The following ZFPM2 variants were observed in gnomAD, a reference collection of about 807,000 sequenced individuals.
ZFPM2 encodes the protein zinc finger protein, FOG family member 2.
ZFPM2 carries 20 observed loss-of-function variants against 98.6 expected under a neutral mutation model. That is an observed-to-expected ratio of 0.20 (90% CI 0.14 to 0.29). The LOEUF (loss-of-function observed/expected upper bound fraction) is 0.29, where lower values mean the gene tolerates loss of function less well. ZFPM2 is among the 10% of genes least tolerant of loss of function. The pLI, the probability that ZFPM2 is intolerant of heterozygous loss-of-function variation, is 1.00. For missense variants in ZFPM2, 1,310 were observed against 1,388.6 expected, an observed-to-expected ratio of 0.94 and a Z score of 0.90; for synonymous variants, 518 against 502.7, an observed-to-expected ratio of 1.03 and a Z score of -0.41.
At chr8:105,468,375 A>C (rs1228524043) in intron 3 of ZFPM2, among the ~76,000 whole-genome samples, 2 of 151,906 alleles carry the variant, frequency 1.3e-5, no homozygotes, top group African/African-American at 2.4e-5. Flanking sequence ...ATATGTATCA[A>C]CCCTCTTTTA....
At chr8:105,410,085 A>G (rs147672081) in intron 1 of ZFPM2, among the ~76,000 whole-genome samples, 1 of 151,930 alleles carries the variant, frequency 6.6e-6, no homozygotes, top group African/African-American at 2.4e-5. Flanking sequence ...ATGGAGGATT[A>G]TAAAAGAGAA....
chr8:105,736,429 A>G (rs1812074177), intron 5 of ZFPM2, among the ~76,000 whole-genome samples: 1 of 152,016 alleles, frequency 6.6e-6, no homozygotes, highest in Admixed American at 6.6e-5. Context: ...ATTCATAAGG[A>G]GCCAGTGTGG....
At chr8:105,795,213 C>T (rs201042261) in intron 6 of ZFPM2, among the ~76,000 whole-genome samples, 149 of 151,318 alleles carry the variant, frequency 9.8e-4, no homozygotes, top group African/African-American at 3.2e-3. Context: ...TGTTCCTATT[C>T]GGCCATCTTG....
chr8:105,636,268 T>C (rs1314692350), intron 5 of ZFPM2, among the ~76,000 whole-genome samples: 3 of 152,174 alleles, frequency 2.0e-5, no homozygotes, highest in Non-Finnish European at 2.9e-5. Context: ...AGCAAACTTA[T>C]GTGTTTATGG....
At chr8:105,650,687 T>G (rs1156906052) in intron 5 of ZFPM2, among the ~76,000 whole-genome samples, 1 of 152,192 alleles carries the variant, frequency 6.6e-6, no homozygotes, top group Admixed American at 6.5e-5. Context: ...TGGAGCGGTT[T>G]TTAGTGAGTT....
intron 3 of ZFPM2, among the ~76,000 whole-genome samples, chr8:105,529,818 C>A (rs1814256289): frequency 6.6e-6 from 1 of 151,936 alleles, no homozygotes; most frequent in South Asian, 2.1e-4. Flanking sequence ...GCAACCTCTG[C>A]CTCCCAGGAT....
chr8:105,507,486 A>G (rs569173463), intron 3 of ZFPM2, among the ~76,000 whole-genome samples: 1 of 152,352 alleles, frequency 6.6e-6, no homozygotes, highest in South Asian at 2.1e-4. Flanking sequence ...GTTGGGCCTC[A>G]CTTTATTCAT....
chr8:105,612,440 C>A lies in ZFPM2; in HGVS notation c.421-21806C>A, dbSNP rs140129211. ...GGTCTGCAGTCTCTGGTTTGAGAAA[C>A]CCTGGTAAAGGTGAAAAATGTAATT... On this transcript the variant is annotated intron_variant, in intron 4 of 7. Transcript: ENST00000407775. 5.4e-3 allele frequency among the ~76,000 whole-genome samples: 819 copies of A among 151,946 alleles called. 6 individuals are homozygous for A. Among genetic ancestry groups the A allele is most frequent in the African/African-American group, 0.016 (651 of 41,464 alleles).
intron 2 of ZFPM2, among the ~76,000 whole-genome samples, chr8:105,426,797 CAAAA>C (rs1475866276): frequency 1.3e-5 from 2 of 151,354 alleles, no homozygotes; most frequent in Non-Finnish European, 2.9e-5. Context: ...ACAAAAAATA[CAAAA>C]AATACAAAAA....
intron 6 of ZFPM2, among the ~76,000 whole-genome samples, chr8:105,793,446 G>A (rs1394807203): frequency 3.3e-5 from 5 of 152,114 alleles, no homozygotes; most frequent in South Asian, 2.1e-4. Flanking sequence ...AGTTTCTGCC[G>A]AGAGATCCGC....
chr8:105,722,239 T>A (rs570473952), intron 5 of ZFPM2, among the ~76,000 whole-genome samples: 1 of 151,944 alleles, frequency 6.6e-6, no homozygotes, highest in East Asian at 1.9e-4. Context: ...TTATAAAGAA[T>A]AACTTAATTC....
chr8:105,700,476 A>G (rs1811117152), intron 5 of ZFPM2, among the ~76,000 whole-genome samples: 2 of 152,256 alleles, frequency 1.3e-5, no homozygotes, highest in South Asian at 2.1e-4. Context: ...ACATCTTGTG[A>G]CTTGTATTAA....
intron 4 of ZFPM2, among the ~76,000 whole-genome samples, chr8:105,627,718 C>CTT (rs1293449419): frequency 6.6e-6 from 1 of 152,152 alleles, no homozygotes; most frequent in Non-Finnish European, 1.5e-5. Context: ...CTCTTTGTTT[C>CTT]CATGATTGCT....
At chr8:105,379,858 T>G (rs1045333600) in intron 1 of ZFPM2, among the ~76,000 whole-genome samples, 1 of 151,922 alleles carries the variant, frequency 6.6e-6, no homozygotes, top group African/African-American at 2.4e-5. Context: ...CTCAGTAAAG[T>G]GATGTAATTT....
chr8:105,478,300 G>A (rs1813051001), intron 3 of ZFPM2, among the ~76,000 whole-genome samples: 1 of 152,182 alleles, frequency 6.6e-6, no homozygotes, highest in Admixed American at 6.5e-5. Flanking sequence ...TGTGAAGATT[G>A]AATGATAATG....
At chr8:105,392,370 AAATT>A (rs1162538979) in intron 1 of ZFPM2, among the ~76,000 whole-genome samples, 1 of 152,224 alleles carries the variant, frequency 6.6e-6, no homozygotes. Context: ...TAGTAATAAT[AAATT>A]AATCTAGGTA....
intron 2 of ZFPM2, among the ~76,000 whole-genome samples, chr8:105,443,333 A>AAAAAC (rs1812304130): frequency 6.6e-6 from 1 of 151,022 alleles, no homozygotes; most frequent in South Asian, 2.2e-4. Context: ...AAACAAAAAA[A>AAAAAC]AAAAAACTTG....
chr8:105,659,459 G>T (rs537835431), intron 5 of ZFPM2, among the ~76,000 whole-genome samples: 1 of 152,298 alleles, frequency 6.6e-6, no homozygotes, highest in African/African-American at 2.4e-5. Flanking sequence ...GCCAGCCAAA[G>T]CGTCCACTGA....
At chr8:105,638,117 A>G (rs564968355) in intron 5 of ZFPM2, among the ~76,000 whole-genome samples, 21 of 152,082 alleles carry the variant, frequency 1.4e-4, no homozygotes, top group African/African-American at 4.8e-4. Flanking sequence ...TGTGGGCATC[A>G]TTCTCAGATA....
Sources: gnomAD v4.1 joint callset for allele counts (sites outside exome capture counted in the v4.1 genomes callset) on GRCh38, gnomAD v4.1.1 for gene constraint, MANE v1.5 for transcripts, NCBI Gene and HGNC (gene_info 2026-07-23, HGNC 2026-07-21) for gene names.